Variants in RRBP1 observed in about 807,000 individuals in gnomAD.
RRBP1 encodes ribosome binding protein 1.
RRBP1 carries 94 observed loss-of-function variants against 165.2 expected under a neutral mutation model. The observed-to-expected ratio is 0.57, with a 90% CI of 0.48 to 0.68. The LOEUF (loss-of-function observed/expected upper bound fraction) is 0.68. RRBP1 is among the 30% of genes least tolerant of loss of function. The pLI is 0.00. For missense variants in RRBP1, 1,676 were observed against 1,763.0 expected (o/e 0.95, Z 0.88); for synonymous variants, 680 against 714.5 (o/e 0.95, Z 0.77).
intron 3 of RRBP1, among the ~76,000 whole-genome samples, chr20:17,648,807 C>A (rs188437106): frequency 6.6e-6 from 1 of 152,256 alleles, no homozygotes; most frequent in Admixed American, 6.5e-5. Flanking sequence ...TTTAAAAGAA[C>A]GACAATTCCT....
chr20:17,615,326 C>A, intron 23 of RRBP1, 105 bp downstream of exon 23: 1 of 879,670 alleles, frequency 1.1e-6, no homozygotes. Flanking sequence ...GGGCAGGTCC[C>A]GGTGGGGTCG....
Position 17,616,827 on chromosome 20 carries a change from A to G in RRBP1, c.3772T>C (p.Leu1258=). The change falls in exon 21 of 25, where the codon TTG becomes CTG. Residue 1258 remains leucine (L), a synonymous_variant. Coordinates refer to ENST00000377813, the MANE Select transcript of RRBP1 (RefSeq NM_001365613.2). ...TCTACGTGGCTCTTCATTTCACTCA[A>G]CTGCTGCCTGACCTGGAACAGGAAG... is the stretch of plus-strand genomic sequence containing the variant. The part of the protein sequence containing the change: ...SDELALVRQQ[L]SEMKSHVEDG... The G allele has an allele frequency of 6.2e-7, 1 of 1,612,746 alleles. No individual in the cohort carries two copies. The highest frequency in any genetic ancestry group is 1.1e-5 in the South Asian group (1 of 90,932).
At chr20:17,616,658 TCCGAACGGAG>T in intron 21 of RRBP1, 64 bp downstream of exon 21, 1 of 1,019,796 alleles carries the variant, frequency 9.8e-7, no homozygotes, top group Non-Finnish European at 1.5e-6. Context: ...CGGGGTTTAG[TCCGAACGGAG>T]GCAGCAGGGC....
At position 17,614,701 on chromosome 20, in the gene RRBP1, G is replaced by C. The variant is rs201256761; in HGVS notation, c.4194+36C>G. The C allele has an allele frequency of 1.5e-5, 24 of 1,604,948 alleles. No individual in the cohort carries two copies. In the South Asian group the frequency reaches 2.5e-4, roughly 17 times the overall value. On this transcript the variant is annotated intron_variant, in intron 24 of 24. Coordinates refer to ENST00000377813, the MANE Select transcript of RRBP1 (RefSeq NM_001365613.2). The stretch of plus-strand genomic sequence containing the variant: ...GCCTCCCCGGGGCTCCCGGCAGCTC[G>C]ACTCCTCCCGCCCTGCTTTGGCGCC...
intron 9 of RRBP1, 87 bp downstream of exon 9, chr20:17,629,736 G>C (rs1002742377): frequency 7.1e-7 from 1 of 1,402,754 alleles, no homozygotes; most frequent in South Asian, 1.3e-5. Flanking sequence ...CTAACCCACT[G>C]AGTTCTGGCA....
chr20:17,625,060 A>T (rs1035330070), intron 12 of RRBP1, among the ~76,000 whole-genome samples: 11 of 152,118 alleles, frequency 7.2e-5, no homozygotes, highest in Non-Finnish European at 1.3e-4. Flanking sequence ...TGCCTTGGGA[A>T]GCTGCAGCCT....
intron 20 of RRBP1, 25 bp downstream of exon 20, chr20:17,618,571 G>A (rs774134359): frequency 2.5e-6 from 4 of 1,584,038 alleles, no homozygotes; most frequent in Admixed American, 1.7e-5. Flanking sequence ...CACACTCCTG[G>A]CATGGGGACA....
intron 3 of RRBP1, among the ~76,000 whole-genome samples, chr20:17,647,609 C>T (rs1195449443): frequency 6.6e-6 from 1 of 152,200 alleles, no homozygotes; most frequent in Non-Finnish European, 1.5e-5. Context: ...AGCCCAGGAC[C>T]AGGATCTGGG....
At chr20:17,617,729 C>T (rs1407707177) in intron 20 of RRBP1, among the ~76,000 whole-genome samples, 2 of 152,238 alleles carry the variant, frequency 1.3e-5, no homozygotes, top group Non-Finnish European at 2.9e-5. Context: ...ACCTGAATGA[C>T]CAAGGGGGAC....
chr20:17,619,750 C>T (rs1178943193), intron 18 of RRBP1, 22 bp from the exon 19 acceptor site: 2 of 1,558,626 alleles, frequency 1.3e-6, no homozygotes, highest in East Asian at 4.5e-5. Context: ...CACAGACACG[C>T]ACACGCATGC....
intron 11 of RRBP1, 25 bp from the exon 12 acceptor site, chr20:17,625,627 G>A (rs367953060): frequency 1.3e-5 from 20 of 1,597,902 alleles, no homozygotes; most frequent in African/African-American, 9.4e-5. Context: ...CGAGGTCACC[G>A]CCTAGGCTCC....
chr20:17,646,707 CT>C (rs2036469088), intron 3 of RRBP1, among the ~76,000 whole-genome samples: 1 of 152,250 alleles, frequency 6.6e-6, no homozygotes, highest in African/African-American at 2.4e-5. Context: ...ACTCTCCCTT[CT>C]GCGACCACAC....
intron 7 of RRBP1, among the ~76,000 whole-genome samples, chr20:17,634,367 G>A (rs1209027321): frequency 1.3e-5 from 2 of 150,768 alleles, no homozygotes; most frequent in Non-Finnish European, 2.9e-5. Context: ...TGCTGCCTGC[G>A]GGGTGGTGGG....
intron 11 of RRBP1, among the ~76,000 whole-genome samples, chr20:17,626,233 A>T (rs1225478562): frequency 1.5e-4 from 23 of 152,216 alleles, no homozygotes; most frequent in Admixed American, 1.5e-3. Context: ...TAACTACAAC[A>T]TGAGTTCATT....
intron 18 of RRBP1, 26 bp downstream of exon 18, chr20:17,620,271 GAA>G: frequency 1.3e-6 from 2 of 1,568,742 alleles, no homozygotes; most frequent in South Asian, 1.1e-5. Context: ...CGGGACAAGA[GAA>G]AGAGTTCTCT....
intron 5 of RRBP1, among the ~76,000 whole-genome samples, chr20:17,638,147 G>A (rs928800386): frequency 3.3e-5 from 5 of 152,324 alleles, no homozygotes; most frequent in African/African-American, 1.2e-4. Context: ...GGACCCCTCC[G>A]CACTTCCTCC....
rs368951434 is a variant in RRBP1, at chr20:17,614,295, G to A, written c.4195-75C>T. 3.7e-5 allele frequency: 54 copies of A among 1,451,192 alleles called. No homozygotes were observed. In the African/African-American group the frequency reaches 6.9e-4, roughly 19 times the overall value. 89.9% of individuals were successfully genotyped at this position (1,451,192 alleles called of 1,614,324 possible). ...CAGAACCACCTGCCCTCTACCCTGGGCCTTTAGTCCCTCCCTGGATTGACC... is the reference window on the plus strand; with the variant it reads ...CAGAACCACCTGCCCTCTACCCTGGACCTTTAGTCCCTCCCTGGATTGACC... On this transcript the variant is annotated intron_variant, in intron 24 of 24. Transcript: ENST00000377813.
At chr20:17,671,137 T>C (rs2036969979) in intron 2 of RRBP1, among the ~76,000 whole-genome samples, 1 of 152,220 alleles carries the variant, frequency 6.6e-6, no homozygotes, top group African/African-American at 2.4e-5. Context: ...TGTCTACAAG[T>C]TGTTCCTGGT....
intron 1 of RRBP1, among the ~76,000 whole-genome samples, chr20:17,681,360 G>A (rs2037182508): frequency 6.8e-6 from 1 of 147,858 alleles, no homozygotes; most frequent in South Asian, 2.1e-4. Context: ...GCGGCCGCCC[G>A]GCGTCCGTGC....
Sources: gnomAD v4.1 joint callset for allele counts (sites outside exome capture counted in the v4.1 genomes callset) on GRCh38, gnomAD v4.1.1 for gene constraint, MANE v1.5 for transcripts, NCBI Gene and HGNC (gene_info 2026-07-23, HGNC 2026-07-21) for gene names.